The following TENM1 variants were observed in gnomAD, a reference collection of about 807,000 sequenced individuals.
The protein encoded by TENM1 is teneurin-1.
A neutral mutation model predicts 174.8 loss-of-function variants in TENM1; 35 were observed. That is an observed-to-expected ratio of 0.20 (90% CI 0.15 to 0.27). The LOEUF is 0.27. TENM1 is among the 10% of genes least tolerant of loss of function. TENM1 has a pLI of 1.00. For synonymous variants in TENM1, 781 were observed against 798.7 expected, an observed-to-expected ratio of 0.98 and a Z score of 0.37; for missense variants, 1,633 against 2,130.1, an observed-to-expected ratio of 0.77 and a Z score of 4.59.
chrX:125,047,947 G>A, the TENM1 span, among the ~76,000 whole-genome samples: 17 of 111,195 alleles, frequency 1.5e-4, no homozygotes, highest in African/African-American at 5.5e-4. Context: ...GGGTCAGGAG[G>A]AAAAGTAGTA....
At chrX:124,452,106 T>A (rs2061045175) in intron 23 of TENM1, among the ~76,000 whole-genome samples, 1 of 111,623 alleles carries the variant, frequency 9.0e-6, no homozygotes, top group African/African-American at 3.3e-5. Flanking sequence ...TGGGAGAAAA[T>A]TTTTGCTATC....
chrX:124,953,671 C>A (rs1453615195), intron 1 of TENM1, among the ~76,000 whole-genome samples: 1 of 111,669 alleles, frequency 9.0e-6, no homozygotes, highest in Admixed American at 9.6e-5. Flanking sequence ...TTATGTACCC[C>A]AAAAACCAGT....
chrX:124,644,012 G>A (rs1360677444), intron 10 of TENM1, among the ~76,000 whole-genome samples: 2 of 97,400 alleles, frequency 2.1e-5, no homozygotes, highest in Admixed American at 2.3e-4. Context: ...GCCTTGTCTA[G>A]GCCAAATGCC....
chrX:124,759,711 TCAA>T (rs772190835), intron 3 of TENM1, among the ~76,000 whole-genome samples: 32 of 112,143 alleles, frequency 2.9e-4, no homozygotes, highest in Non-Finnish European at 4.3e-4. Flanking sequence ...TTGGGCTGTG[TCAA>T]GTAATGATAA....
intron 1 of TENM1, among the ~76,000 whole-genome samples, chrX:124,930,437 C>T (rs1183702934): frequency 8.9e-6 from 1 of 112,021 alleles, no homozygotes; most frequent in Non-Finnish European, 1.9e-5. Flanking sequence ...TCCTCTGAGG[C>T]TCTCACTATA....
intron 11 of TENM1, among the ~76,000 whole-genome samples, chrX:124,570,076 C>T (rs1273558607): frequency 9.0e-6 from 1 of 111,057 alleles, no homozygotes; most frequent in African/African-American, 3.3e-5. Context: ...CATCCTAAGA[C>T]AATATTACTA....
At chrX:124,593,005 C>G (rs1456991101) in intron 11 of TENM1, among the ~76,000 whole-genome samples, 1 of 111,308 alleles carries the variant, frequency 9.0e-6, no homozygotes, top group Non-Finnish European at 1.9e-5. Flanking sequence ...TAGAAACTCT[C>G]TGTTCTCTCA....
chrX:124,985,510 G>T, the TENM1 span, among the ~76,000 whole-genome samples: 1,679 of 111,701 alleles, frequency 0.015, 14 homozygotes, highest in Non-Finnish European at 0.024. Context: ...TATCTTTAGG[G>T]TATCCTGACA....
At chrX:124,787,156 C>A (rs1277636712) in intron 3 of TENM1, among the ~76,000 whole-genome samples, 1 of 111,421 alleles carries the variant, frequency 9.0e-6, no homozygotes, top group Non-Finnish European at 1.9e-5. Flanking sequence ...AATTTTTAAC[C>A]TTTTATGTAC....
At chrX:124,952,590 C>A (rs964934208) in intron 1 of TENM1, among the ~76,000 whole-genome samples, 1 of 110,908 alleles carries the variant, frequency 9.0e-6, no homozygotes, top group African/African-American at 3.3e-5. Flanking sequence ...TTTAAGTGTT[C>A]TTGAAACTTT....
chrX:124,551,515 AAC>A (rs1179615685), intron 14 of TENM1, among the ~76,000 whole-genome samples: 1 of 95,889 alleles, frequency 1.0e-5, no homozygotes, highest in Non-Finnish European at 2.1e-5. Flanking sequence ...AAGTGTTCTT[AAC>A]ACACACACAC....
At chrX:125,046,237 T>C in the TENM1 span, among the ~76,000 whole-genome samples, 7 of 111,923 alleles carry the variant, frequency 6.3e-5, no homozygotes, top group Non-Finnish European at 1.3e-4. Flanking sequence ...ATGTATTTTA[T>C]AAAGAATCAA....
chrX:124,696,553 A>G (rs1792295272), intron 5 of TENM1, among the ~76,000 whole-genome samples: 1 of 110,480 alleles, frequency 9.1e-6, no homozygotes, highest in Non-Finnish European at 1.9e-5. Context: ...CTCTCTCTTA[A>G]GCATTGTACA....
At chrX:124,855,448 C>T (rs1157324774) in intron 3 of TENM1, among the ~76,000 whole-genome samples, 1 of 111,251 alleles carries the variant, frequency 9.0e-6, no homozygotes, top group Non-Finnish European at 1.9e-5. Context: ...TAATCCCACA[C>T]AAAAAAGACC....
chrX:124,523,723 G>A, intron 16 of TENM1, 98 bp from the exon 20 acceptor site: 1 of 846,993 alleles, frequency 1.2e-6, no homozygotes, highest in Admixed American at 3.2e-5. Context: ...CTTTTTGGGG[G>A]GACTCAACTA....
Position 124,403,520 on chromosome X carries a change from C to CAA in TENM1, c.5391+1509_5391+1510dup, listed in dbSNP as rs200809417. ...GGGCGACAGAGCAAGACTCTTGTCT[C>CAA]AAAAAAAAAAAAAGAAAAAAAAAAG... On this transcript the variant is annotated intron_variant, in intron 27 of 31. Coordinates refer to ENST00000422452, the Ensembl canonical transcript of TENM1. 3.0e-3 allele frequency among the ~76,000 whole-genome samples: 228 copies of CAA among 76,084 alleles called. 1 individual carries two copies. The highest frequency in any genetic ancestry group is 0.021 in the East Asian group (50 of 2,334). 66.1% of individuals were successfully genotyped at this position (76,084 alleles called of 115,157 possible).
At chrX:125,132,074 C>T in the TENM1 span, among the ~76,000 whole-genome samples, 3 of 111,930 alleles carry the variant, frequency 2.7e-5, no homozygotes, top group African/African-American at 9.8e-5. Flanking sequence ...CACAGTTAAG[C>T]GTGTTTTTCA....
intron 18 of TENM1, among the ~76,000 whole-genome samples, chrX:124,503,929 T>C (rs1030629199): frequency 9.0e-6 from 1 of 111,703 alleles, no homozygotes; most frequent in East Asian, 2.8e-4. Context: ...AAGGAGTGAG[T>C]AAATAAATGC....
At chrX:124,799,414 T>C (rs1180667262) in intron 3 of TENM1, among the ~76,000 whole-genome samples, 9 of 111,077 alleles carry the variant, frequency 8.1e-5, no homozygotes. Context: ...TTCACATTCC[T>C]AGCTAGCTGT....
Sources: gnomAD v4.1 joint callset for allele counts (sites outside exome capture counted in the v4.1 genomes callset) on GRCh38, gnomAD v4.1.1 for gene constraint, MANE v1.5 for transcripts, NCBI Gene and HGNC (gene_info 2026-07-23, HGNC 2026-07-21) for gene names.